The following RABGEF1 variants were observed in gnomAD, a reference collection of about 807,000 sequenced individuals.
RABGEF1 encodes the protein RAB guanine nucleotide exchange factor 1.
Under a neutral mutation model 57.3 loss-of-function variants are expected in RABGEF1, and 26 were observed. The observed-to-expected ratio is 0.45, with a 90% confidence interval of 0.33 to 0.63. The LOEUF (loss-of-function observed/expected upper bound fraction) is 0.63, where lower values mean the gene tolerates loss of function less well. Ranked by LOEUF, RABGEF1 falls within the 20% of genes least tolerant of loss-of-function variation. The pLI, the probability that RABGEF1 is intolerant of heterozygous loss-of-function variation, is 0.02. For synonymous variants in RABGEF1, 185 were observed against 210.7 expected, an observed-to-expected ratio of 0.88 and a Z score of 1.06; for missense variants, 464 against 607.6, an observed-to-expected ratio of 0.76 and a Z score of 2.48.
chr7:66,728,433 C>T (rs529447264), intron 2 of RABGEF1, among the ~76,000 whole-genome samples: 1 of 152,284 alleles, frequency 6.6e-6, no homozygotes, highest in East Asian at 1.9e-4. Flanking sequence ...GGGTCAAGAA[C>T]TATTCTCAGG....
At chr7:66,721,733 C>T (rs1390270313) in intron 2 of RABGEF1, among the ~76,000 whole-genome samples, 4 of 152,018 alleles carry the variant, frequency 2.6e-5, no homozygotes, top group East Asian at 3.9e-4. Context: ...TTTGGGAGGC[C>T]AAGGCGGGCA....
chr7:66,738,030 T>TTTTTTTG (rs1798243368), upstream of RABGEF1, among the ~76,000 whole-genome samples: 2 of 146,890 alleles, frequency 1.4e-5, no homozygotes, highest in African/African-American at 5.0e-5. Context: ...TTTGTTTTTT[T>TTTTTTTG]TTTTTTTTGA....
upstream of RABGEF1, among the ~76,000 whole-genome samples, chr7:66,678,051 C>A (rs1241392846): frequency 1.3e-5 from 2 of 151,722 alleles, no homozygotes; most frequent in Non-Finnish European, 2.9e-5. Context: ...GTGACAAAGA[C>A]CCTGTCTCGA....
At chr7:66,757,274 C>G (rs1353705463) in intron 1 of RABGEF1, among the ~76,000 whole-genome samples, 1 of 151,620 alleles carries the variant, frequency 6.6e-6, no homozygotes, top group Non-Finnish European at 1.5e-5. Flanking sequence ...TACTTTCTAA[C>G]TTGTTATTGT....
At chr7:66,764,248 C>T (rs187339532) in intron 1 of RABGEF1, among the ~76,000 whole-genome samples, 6 of 152,286 alleles carry the variant, frequency 3.9e-5, no homozygotes, top group Admixed American at 6.5e-5. Context: ...TTTTCATATA[C>T]TCACGACTGT....
At chr7:66,656,393 CAGGCATCAGCTACTG>C in the RABGEF1 span, among the ~76,000 whole-genome samples, 6 of 150,532 alleles carry the variant, frequency 4.0e-5, no homozygotes, top group Non-Finnish European at 8.9e-5. Context: ...GCTGAAATTA[CAGGCATCAGCTACTG>C]AGCCTGGAGG....
intron 2 of RABGEF1, among the ~76,000 whole-genome samples, chr7:66,773,519 C>A (rs1328010131): frequency 6.6e-6 from 1 of 152,170 alleles, no homozygotes; most frequent in Non-Finnish European, 1.5e-5. Flanking sequence ...GATTGCTGGA[C>A]CTTACCCACA....
At chr7:66,688,642 AAC>A (rs1481351969) in intron 1 of RABGEF1, among the ~76,000 whole-genome samples, 1 of 152,236 alleles carries the variant, frequency 6.6e-6, no homozygotes, top group African/African-American at 2.4e-5. Flanking sequence ...ATGGAAAGTA[AAC>A]ACACTCTTAA....
chr7:66,693,926 T>G (rs2659910), intron 1 of RABGEF1, among the ~76,000 whole-genome samples: 149,838 of 152,106 alleles, frequency 0.99, 73,825 homozygotes, highest in East Asian at 1. Context: ...TCCTGCCTCA[T>G]CCACCAGAGT....
At chr7:66,685,222 T>G (rs1790427611) in intron 1 of RABGEF1, among the ~76,000 whole-genome samples, 1 of 149,870 alleles carries the variant, frequency 6.7e-6, no homozygotes, top group Admixed American at 6.7e-5. Flanking sequence ...TGGTTTGATC[T>G]TGGCCACTAC....
upstream of RABGEF1, chr7:66,740,351 G>T (rs907537713): frequency 6.6e-6 from 1 of 152,290 alleles, no homozygotes; most frequent in African/African-American, 2.4e-5. Context: ...CCTCGGCGCA[G>T]TAGCTCCGCT....
At chr7:66,684,956 A>G (rs1270657294) in intron 1 of RABGEF1, among the ~76,000 whole-genome samples, 11 of 151,864 alleles carry the variant, frequency 7.2e-5, no homozygotes. Flanking sequence ...GTAGAGATGG[A>G]ATCCCTATAT....
chr7:66,797,342 A>G, intron 5 of RABGEF1, 32 bp from the exon 6 acceptor site: 2 of 1,565,322 alleles, frequency 1.3e-6, no homozygotes, highest in Non-Finnish European at 1.7e-6. Flanking sequence ...AAATATATAT[A>G]TCTTGATCTT....
chr7:66,720,223 A>G (rs1376232426), intron 2 of RABGEF1, among the ~76,000 whole-genome samples: 2 of 142,664 alleles, frequency 1.4e-5, no homozygotes, highest in African/African-American at 2.6e-5. Flanking sequence ...TGAGAGGGTG[A>G]GTCTTGTTCC....
intron 1 of RABGEF1, among the ~76,000 whole-genome samples, chr7:66,705,497 G>A (rs1021405377): frequency 6.7e-6 from 1 of 149,810 alleles, no homozygotes; most frequent in Non-Finnish European, 1.5e-5. Context: ...GGAGGGGGGA[G>A]GGGGAGGAAG....
At chr7:66,680,997 C>T (rs1352118919), upstream of RABGEF1, among the ~76,000 whole-genome samples, 3 of 151,996 alleles carry the variant, frequency 2.0e-5, no homozygotes, top group Admixed American at 2.0e-4. Context: ...GTGGGAGAAT[C>T]GCTTGAACCT....
intron 2 of RABGEF1, among the ~76,000 whole-genome samples, chr7:66,726,093 T>C (rs1238531177): frequency 6.6e-6 from 1 of 151,672 alleles, no homozygotes; most frequent in East Asian, 2.0e-4. Context: ...TGCAGGAAGC[T>C]GCTACTCAGA....
chr7:66,732,355 G>A (rs1423387667), intron 2 of RABGEF1, among the ~76,000 whole-genome samples: 1 of 152,238 alleles, frequency 6.6e-6, no homozygotes, highest in Non-Finnish European at 1.5e-5. Context: ...CTGGCATCTG[G>A]GCTTGGCTCC....
At chr7:66,683,402 AT>A (rs1790086807) in intron 1 of RABGEF1, among the ~76,000 whole-genome samples, 1 of 152,252 alleles carries the variant, frequency 6.6e-6, no homozygotes, top group Non-Finnish European at 1.5e-5. Flanking sequence ...TTACTGATTC[AT>A]ATCCTCAAGA....
Sources: allele counts gnomAD v4.1 joint callset (sites outside exome capture counted in the v4.1 genomes callset), GRCh38; gene constraint gnomAD v4.1.1; transcripts MANE v1.5; gene names NCBI Gene and HGNC (gene_info 2026-07-23, HGNC 2026-07-21).